Variants in F13A1 observed in about 807,000 individuals in gnomAD.
The protein encoded by F13A1 is FSF, A subunit.
In F13A1, 47 loss-of-function variants were observed where a neutral mutation model predicts 80.1. The observed-to-expected ratio is 0.59, with a 90% CI of 0.46 to 0.75. F13A1 has a LOEUF of 0.75. Among genes scored for constraint, F13A1 ranks in the 30% least tolerant of loss-of-function variants. F13A1 has a pLI of 0.00. For missense variants in F13A1, 817 were observed against 930.4 expected (o/e 0.88, Z 1.59); for synonymous variants, 349 against 344.9 (o/e 1.01, Z -0.13).
At chr6:6,305,560 G>C (rs1052171352) in intron 2 of F13A1, 21 bp from the exon 3 acceptor site, 3 of 1,612,706 alleles carry the variant, frequency 1.9e-6, no homozygotes, top group Non-Finnish European at 2.5e-6. Context: ...GAAAAACAAG[G>C]GTTGAAGAAA....
chr6:6,298,556 G>T lies in F13A1; in HGVS notation c.319+6795C>A, dbSNP rs1424409162. Among the ~76,000 whole-genome samples the T allele has an allele frequency of 2.7e-5, 4 of 149,532 alleles. No homozygotes were observed. The South Asian group carries it at 6.2e-4, about 23-fold the overall frequency. ...TTGGTTTGAAGTCTGTTTTATCAGA[G>T]ACTAGGATTGCAACCCCTGCTTTTT... On this transcript the variant is annotated intron_variant, in intron 3 of 14. Coordinates refer to ENST00000264870, the MANE Select transcript of F13A1 (RefSeq NM_000129.4).
chr6:6,291,977 TCCTTGGTGGAGGCTC>T (rs1274660237), intron 3 of F13A1, among the ~76,000 whole-genome samples: 1 of 152,124 alleles, frequency 6.6e-6, no homozygotes, highest in South Asian at 2.1e-4. Flanking sequence ...CTCCACCATC[TCCTTGGTGGAGGCTC>T]CCTTGGTGGA....
chr6:6,273,365 T>C (rs942086538), intron 3 of F13A1, among the ~76,000 whole-genome samples: 1 of 152,178 alleles, frequency 6.6e-6, no homozygotes, highest in East Asian at 1.9e-4. Flanking sequence ...ATCATAGAGA[T>C]GTTAGAAGCT....
In F13A1 at chr6:6,144,944, T is replaced by C. The variant is rs1040540466; in HGVS notation, c.*675A>G. On this transcript the variant is annotated 3_prime_UTR_variant, in exon 15 of 15. Transcript: ENST00000264870. ...CACAAAACTACATTATTCAATAGAC[T>C]TGAGTGTTGCACCTGCTTTCTTATC... The C allele has an allele frequency of 6.4e-6, 1 of 156,006 alleles. No homozygotes were observed. Among genetic ancestry groups the C allele is most frequent in the Non-Finnish European group, 1.4e-5 (1 of 70,276 alleles). 9.7% of individuals were successfully genotyped at this position (156,006 alleles called of 1,614,324 possible).
intron 2 of F13A1, among the ~76,000 whole-genome samples, chr6:6,315,238 G>C (rs2113201752): frequency 6.6e-6 from 1 of 152,286 alleles, no homozygotes; most frequent in African/African-American, 2.4e-5. Context: ...AGATTTTTCA[G>C]AAACACCAAC....
At chr6:6,283,970 T>G (rs1364377203) in intron 3 of F13A1, among the ~76,000 whole-genome samples, 2 of 152,186 alleles carry the variant, frequency 1.3e-5, no homozygotes, top group Non-Finnish European at 2.9e-5. Flanking sequence ...AGAAATCAAC[T>G]CGCAAGGGGT....
At chr6:6,255,734 C>T in intron 4 of F13A1, among the ~76,000 whole-genome samples, 1 of 152,094 alleles carries the variant, frequency 6.6e-6, no homozygotes, top group Non-Finnish European at 1.5e-5. Flanking sequence ...CCTTCCAACA[C>T]TTGAATTAAA....
chr6:6,153,277 G>C (rs539986226), intron 13 of F13A1, among the ~76,000 whole-genome samples: 2 of 152,312 alleles, frequency 1.3e-5, no homozygotes, highest in African/African-American at 4.8e-5. Context: ...TGGACGTAAA[G>C]AGGAAGGACA....
At position 6,146,692 on chromosome 6, in the gene F13A1, G is replaced by T. The variant is rs1266351224; in HGVS notation, c.2046-920C>A. On this transcript the variant is annotated intron_variant, in intron 14 of 14. Coordinates refer to ENST00000264870, the MANE Select transcript of F13A1 (RefSeq NM_000129.4). ...AGAAAAATGGAAGGTAACCAGTGAA[G>T]TCCCTTTTTCAAGATCACATAATTG... Among the ~76,000 whole-genome samples, 5 of 152,198 alleles carry T rather than the reference G, an allele frequency of 3.3e-5. No individual in the cohort carries two copies. In the East Asian group the frequency reaches 9.6e-4, roughly 29 times the overall value.
intron 3 of F13A1, among the ~76,000 whole-genome samples, chr6:6,294,095 C>T (rs1399599886): frequency 6.6e-6 from 1 of 150,930 alleles, no homozygotes; most frequent in Non-Finnish European, 1.5e-5. Context: ...GCACATTTAC[C>T]CCCGAACCTA....
At chr6:6,208,985 A>G (rs1416422486) in intron 8 of F13A1, among the ~76,000 whole-genome samples, 1 of 152,200 alleles carries the variant, frequency 6.6e-6, no homozygotes, top group East Asian at 1.9e-4. Context: ...ATAATTAAAA[A>G]GTTGGATTTT....
intron 3 of F13A1, among the ~76,000 whole-genome samples, chr6:6,287,170 A>AT (rs1162781899): frequency 1.3e-5 from 2 of 152,126 alleles, no homozygotes; most frequent in Non-Finnish European, 2.9e-5. Context: ...CTCTTTTTAG[A>AT]TTAGAGACTC....
At chr6:6,166,689 A>G (rs2151072523) in intron 13 of F13A1, among the ~76,000 whole-genome samples, 1 of 152,310 alleles carries the variant, frequency 6.6e-6, no homozygotes, top group South Asian at 2.1e-4. Flanking sequence ...GGGCCTGAGA[A>G]GTAGGAGCAC....
intron 11 of F13A1, among the ~76,000 whole-genome samples, chr6:6,180,475 G>A (rs185172431): frequency 4.0e-4 from 61 of 152,364 alleles, no homozygotes; most frequent in Middle Eastern, 3.4e-3. Context: ...TCGTGTGGAT[G>A]TATGTATGAA....
chr6:6,287,820 G>T (rs1315885190), intron 3 of F13A1, among the ~76,000 whole-genome samples: 1 of 152,148 alleles, frequency 6.6e-6, no homozygotes, highest in African/African-American at 2.4e-5. Context: ...GCAGAACTTG[G>T]CCTGTGGATT....
chr6:6,161,551 T>TGTGTGTGTGA (rs1010361754), intron 13 of F13A1, among the ~76,000 whole-genome samples: 9 of 146,380 alleles, frequency 6.1e-5, no homozygotes, highest in African/African-American at 2.0e-4. Context: ...TGTGTGTGTG[T>TGTGTGTGTGA]GAGAGAGAGA....
At chr6:6,274,206 A>G (rs1216453336) in intron 3 of F13A1, among the ~76,000 whole-genome samples, 1 of 152,230 alleles carries the variant, frequency 6.6e-6, no homozygotes, top group African/African-American at 2.4e-5. Flanking sequence ...GATGTTTGGA[A>G]CGTAGTAGGT....
At chr6:6,283,394 T>A (rs932668766) in intron 3 of F13A1, among the ~76,000 whole-genome samples, 1 of 152,194 alleles carries the variant, frequency 6.6e-6, no homozygotes, top group Admixed American at 6.5e-5. Context: ...TTCTAAAGAT[T>A]AGACTACCAT....
rs149924795 is a variant in F13A1 at position 6,253,218 on chromosome 6, G to A, written c.572-2289C>T. Among the ~76,000 whole-genome samples the A allele has an allele frequency of 5.2e-3, 777 of 148,472 alleles. 5 individuals are homozygous for A. The highest frequency in any genetic ancestry group is 0.018 in the African/African-American group (737 of 40,456). ...AACTAATATGTTGAAAAAGAAGAAAGATTGAAGGACTTGCCCAAAGGTAAA... is the reference window on the plus strand; with the variant it reads ...AACTAATATGTTGAAAAAGAAGAAAAATTGAAGGACTTGCCCAAAGGTAAA... On this transcript the variant is annotated intron_variant, in intron 4 of 14. Transcript: ENST00000264870.
Sources: gnomAD v4.1 joint callset for allele counts (sites outside exome capture counted in the v4.1 genomes callset) on GRCh38, gnomAD v4.1.1 for gene constraint, MANE v1.5 for transcripts, NCBI Gene and HGNC (gene_info 2026-07-23, HGNC 2026-07-21) for gene names.